MED14: variants seen among roughly 807,000 people sequenced by gnomAD.
MED14 encodes the protein mediator of RNA polymerase II transcription subunit 14.
A neutral mutation model predicts 109.0 loss-of-function variants in MED14; 8 were observed. The observed-to-expected ratio is 0.07, with a 90% CI of 0.04 to 0.13. The LOEUF (loss-of-function observed/expected upper bound fraction) is 0.13, where lower values mean the gene tolerates loss of function less well. MED14 is among the 10% of genes least tolerant of loss of function. The pLI is 1.00. For synonymous variants in MED14, 399 were observed against 408.7 expected, an observed-to-expected ratio of 0.98 and a Z score of 0.29; for missense variants, 711 against 1,142.4, an observed-to-expected ratio of 0.62 and a Z score of 5.44.
chrX:40,708,341 T>C (rs987567223), intron 10 of MED14, among the ~76,000 whole-genome samples: 5 of 111,979 alleles, frequency 4.5e-5, no homozygotes, highest in African/African-American at 1.6e-4. Flanking sequence ...TGAGTATGTA[T>C]TCTAAATACA....
chrX:40,653,307 C>A (rs900249059), intron 30 of MED14, among the ~76,000 whole-genome samples: 2 of 111,695 alleles, frequency 1.8e-5, no homozygotes, highest in African/African-American at 6.5e-5. Flanking sequence ...AGGATGAAAG[C>A]AGAAAATTGT....
chrX:40,709,340 G>T lies in MED14; in HGVS notation c.1285+8C>A, dbSNP rs748683103. The T allele has an allele frequency of 4.3e-6, 4 of 928,936 alleles. No individual in the cohort carries two copies. The highest frequency in any genetic ancestry group is 4.4e-6 in the Non-Finnish European group (3 of 686,404). 76.6% of individuals were successfully genotyped at this position (928,936 alleles called of 1,213,427 possible). On this transcript the variant is annotated splice_region_variant and intron_variant, in intron 10 of 30. Transcript: ENST00000324817. Reference sequence around the variant, plus strand: ...AAGAAAAACAAATGTCAATTTAAAAGAACCTACAGTTTTCATTGGCATTGA... The same window carrying T: ...AAGAAAAACAAATGTCAATTTAAAATAACCTACAGTTTTCATTGGCATTGA...
chrX:40,710,603 T>TA (rs1420218396), intron 8 of MED14, among the ~76,000 whole-genome samples: 1 of 112,412 alleles, frequency 8.9e-6, no homozygotes, highest in Non-Finnish European at 1.9e-5. Context: ...ATGCATGTTT[T>TA]AAAAAATGAT....
Position 40,729,245 on chromosome X carries a change from A to G in MED14, c.242+74T>C, listed in dbSNP as rs902725710. On this transcript the variant is annotated intron_variant, in intron 2 of 30. Coordinates refer to ENST00000324817, the MANE Select transcript of MED14 (RefSeq NM_004229.4). ...GGTTTCCAATCCACAGCCCTACACC[A>G]CCCATACCCACACACCAACACTCAT... 214 of 1,027,906 alleles carry G rather than the reference A, an allele frequency of 2.1e-4. 1 individual carries two copies. The East Asian group carries it at 6.7e-3, about 32-fold the overall frequency. 84.7% of individuals were successfully genotyped at this position (1,027,906 alleles called of 1,213,427 possible). A position where few individuals can be genotyped will look rare whatever the true frequency, so the allele number is the denominator to read the frequency against.
At chrX:40,664,829 A>G (rs1044059467) in intron 24 of MED14, among the ~76,000 whole-genome samples, 3 of 111,795 alleles carry the variant, frequency 2.7e-5, no homozygotes, top group Non-Finnish European at 3.8e-5. Context: ...CAGAAATATT[A>G]TATTTTTAAA....
chrX:40,678,197 C>CT (rs1929978138), intron 21 of MED14, among the ~76,000 whole-genome samples: 1 of 111,669 alleles, frequency 9.0e-6, no homozygotes, highest in Non-Finnish European at 1.9e-5. Flanking sequence ...TAAGTGAACA[C>CT]TGTGTAGAAA....
chrX:40,658,080 C>T (rs1189266161), intron 28 of MED14, among the ~76,000 whole-genome samples: 2 of 107,317 alleles, frequency 1.9e-5, no homozygotes, highest in African/African-American at 6.9e-5. Context: ...AGGTGTGAGC[C>T]ACCGTGCACG....
chrX:40,703,829 G>A (rs1189167228), intron 10 of MED14, among the ~76,000 whole-genome samples: 1 of 112,428 alleles, frequency 8.9e-6, no homozygotes, highest in Non-Finnish European at 1.9e-5. Context: ...TTCTTAAAGA[G>A]GGTTGAAATA....
chrX:40,703,676 G>T, intron 10 of MED14, 107 bp from the exon 11 acceptor site: 1 of 651,115 alleles, frequency 1.5e-6, no homozygotes, highest in Non-Finnish European at 2.2e-6. Flanking sequence ...GATCCTAAAT[G>T]TTAGAGGAAA....
chrX:40,670,435 A>G (rs1388641228), intron 23 of MED14, among the ~76,000 whole-genome samples: 1 of 112,741 alleles, frequency 8.9e-6, no homozygotes, highest in Non-Finnish European at 1.9e-5. Context: ...ATATATAGAC[A>G]CACATATACA....
At chrX:40,702,587 TC>T (rs772330171) in intron 11 of MED14, among the ~76,000 whole-genome samples, 2 of 111,051 alleles carry the variant, frequency 1.8e-5, no homozygotes, top group African/African-American at 6.5e-5. Flanking sequence ...ACATTGTGAT[TC>T]GCCCACTTCG....
At chrX:40,684,113 G>A (rs191685947) in intron 16 of MED14, among the ~76,000 whole-genome samples, 1 of 111,987 alleles carries the variant, frequency 8.9e-6, no homozygotes, top group East Asian at 2.8e-4. Flanking sequence ...ATTGGAATTA[G>A]AGAATCTTGG....
intron 10 of MED14, 21 bp from the exon 11 acceptor site, chrX:40,703,590 A>T (rs956788289): frequency 4.8e-5 from 53 of 1,111,951 alleles, no homozygotes; most frequent in Non-Finnish European, 6.0e-5. Context: ...AAGAATTAAA[A>T]ATTATTTTTC....
rs1400083213 is a variant in MED14 at position 40,725,228 on chromosome X, C to T, written c.348+1518G>A. ...AAAAGCCCAGGACCTTATGGCTTCA[C>T]TACTGAATTCTACCAAACATTTAAA... On this transcript the variant is annotated intron_variant, in intron 3 of 30. Coordinates refer to ENST00000324817, the MANE Select transcript of MED14 (RefSeq NM_004229.4). 3.6e-5 allele frequency among the ~76,000 whole-genome samples: 4 copies of T among 111,651 alleles called. 1 individual carries two copies. The highest frequency in any genetic ancestry group is 7.4e-4 in the South Asian group (2 of 2,686).
intron 3 of MED14, among the ~76,000 whole-genome samples, chrX:40,720,463 T>C (rs187961066): frequency 8.9e-6 from 1 of 112,151 alleles, no homozygotes; most frequent in East Asian, 2.8e-4. Context: ...CAGCCTTGGC[T>C]AGAGAATTGC....
chrX:40,715,699 T>C (rs1185079040), intron 3 of MED14, among the ~76,000 whole-genome samples: 2 of 104,104 alleles, frequency 1.9e-5, no homozygotes, highest in African/African-American at 3.6e-5. Flanking sequence ...GGCAGGAGAA[T>C]TGCTTGAACC....
chrX:40,700,392 AT>A (rs58858843), intron 12 of MED14, among the ~76,000 whole-genome samples: 10,863 of 60,075 alleles, frequency 0.18, 3,329 homozygotes, highest in East Asian at 0.4. Flanking sequence ...AAAAAAAAAA[AT>A]TCATGCCCTG....
At chrX:40,664,669 T>G (rs1255974759) in intron 24 of MED14, among the ~76,000 whole-genome samples, 180 bp from the exon 25 acceptor site, 1 of 112,162 alleles carries the variant, frequency 8.9e-6, no homozygotes, top group Non-Finnish European at 1.9e-5. Flanking sequence ...TAAGGTACTT[T>G]TTAACATGAT....
At chrX:40,734,271 A>G (rs1384621333) in intron 1 of MED14, among the ~76,000 whole-genome samples, 1 of 112,154 alleles carries the variant, frequency 8.9e-6, no homozygotes, top group Non-Finnish European at 1.9e-5. Context: ...GTCCCATTCA[A>G]AAAAGTACAA....
Sources: gnomAD v4.1 joint callset for allele counts (sites outside exome capture counted in the v4.1 genomes callset) on GRCh38, gnomAD v4.1.1 for gene constraint, MANE v1.5 for transcripts, NCBI Gene and HGNC (gene_info 2026-07-23, HGNC 2026-07-21) for gene names.